CCDC183: variants seen among roughly 807,000 people sequenced by gnomAD.
CCDC183 encodes coiled-coil domain-containing protein 183.
In CCDC183, 63 loss-of-function variants were observed where a neutral mutation model predicts 65.2. The observed-to-expected ratio is 0.97, with a 90% CI of 0.79 to 1.19. CCDC183 has a LOEUF of 1.19. Ranked by LOEUF, CCDC183 falls within the 50% of genes most tolerant of loss-of-function variation. The probability of loss-of-function intolerance (pLI) is 0.00; values close to 1 mark genes in which losing one functional copy is unlikely to be tolerated. For missense variants in CCDC183, 769 were observed against 689.3 expected (o/e 1.12, Z -1.30); for synonymous variants, 323 against 276.5 (o/e 1.17, Z -1.67).
intron 13 of CCDC183, 45 bp downstream of exon 13, chr9:136,807,111 G>GA (rs1315425683): frequency 6.3e-7 from 1 of 1,589,354 alleles, no homozygotes; most frequent in East Asian, 2.2e-5. Flanking sequence ...CGGGTGGCTG[G>GA]AACACAGGTC....
chr9:136,805,131 C>T (rs1011046254), intron 8 of CCDC183: 92 of 596,740 alleles, frequency 1.5e-4, no homozygotes, highest in Non-Finnish European at 2.4e-4. Context: ...CACAGTGCTG[C>T]GCCACTCACT....
intron 1 of CCDC183, 102 bp downstream of exon 1, chr9:136,796,569 G>A: frequency 3.7e-6 from 3 of 810,854 alleles, no homozygotes; most frequent in Non-Finnish European, 6.1e-6. Context: ...TACTGTCTAT[G>A]TAGAAAAGGA....
In CCDC183 at chr9:136,807,721, C is replaced by T. The variant is rs1847890753; in HGVS notation, c.*31C>T. ...CCGCCCCGCTCCCTGCTTTGCTACA[C>T]AAATAAACATTTTTCCAGGACTGCT... On this transcript the variant is annotated 3_prime_UTR_variant, in exon 14 of 14. Transcript: ENST00000338005. 6.3e-7 allele frequency: 1 copy of T among 1,577,478 alleles called. No homozygotes were observed. The highest frequency in any genetic ancestry group is 1.1e-5 in the South Asian group (1 of 86,968).
intron 13 of CCDC183, 84 bp downstream of exon 13, chr9:136,807,150 G>A: frequency 7.9e-7 from 1 of 1,271,992 alleles, no homozygotes. Context: ...ATCCCACCGG[G>A]ACATCCTGGA....
At chr9:136,800,331 G>A (rs1057368519) in intron 4 of CCDC183, 58 bp from the exon 5 acceptor site, 25 of 1,517,478 alleles carry the variant, frequency 1.6e-5, no homozygotes, top group Admixed American at 3.8e-5. Flanking sequence ...ACCCAGCCCC[G>A]ACACCCTCCG....
At position 136,806,091 on chromosome 9, in the gene CCDC183, G is replaced by A. The variant is rs763168465; in HGVS notation, c.962G>A (p.Arg321His). The change falls in exon 10 of 14, where the codon CGC (arginine) becomes CAC (histidine). Residue 321 changes from arginine (R) to histidine (H), a missense_variant. Coordinates refer to ENST00000338005, the MANE Select transcript of CCDC183 (RefSeq NM_001039374.5). ...CGGACTGGCCAGGACATCACTAGCCGCTTCCTGGCCCAGAGGAACACGGAG... is the reference window on the plus strand; with the variant it reads ...CGGACTGGCCAGGACATCACTAGCCACTTCCTGGCCCAGAGGAACACGGAG... ...RCSHVWDITS[R>H]FLAQRNTEEN... 1.9e-5 allele frequency: 30 copies of A among 1,550,682 alleles called. No individual in the cohort carries two copies. Among genetic ancestry groups the A allele is most frequent in the African/African-American group, 8.2e-5 (6 of 73,070 alleles).
chr9:136,802,707 T>C lies in CCDC183; in HGVS notation c.587T>C (p.Leu196Pro), dbSNP rs375780777. 2.5e-5 allele frequency: 41 copies of C among 1,613,424 alleles called. No homozygotes were observed. In the African/African-American group the frequency reaches 4.7e-4, roughly 18 times the overall value. Residue 196 changes from leucine to proline, a missense_variant, in exon 6 of 14, where the codon CTC (leucine) becomes CCC (proline). Transcript: ENST00000338005. Reference sequence around the variant, plus strand: ...ATTGAGCTGGACAAGCTGCAGAACCTCGTGGTCAACTACTGCTCAGAGCTG... The same window carrying C: ...ATTGAGCTGGACAAGCTGCAGAACCCCGTGGTCAACTACTGCTCAGAGCTG... ...YPIELDKLQN[L>P]VVNYCSELSD...
At chr9:136,798,766 G>A (rs1483667812) in intron 1 of CCDC183, among the ~76,000 whole-genome samples, 1 of 152,176 alleles carries the variant, frequency 6.6e-6, no homozygotes, top group Non-Finnish European at 1.5e-5. Context: ...AGCAACACGG[G>A]CCCCAAAGCC....
At chr9:136,805,139 A>C in intron 8 of CCDC183, 1 of 594,224 alleles carries the variant, frequency 1.7e-6, no homozygotes, top group Non-Finnish European at 3.0e-6. Flanking sequence ...TGCGCCACTC[A>C]CTCCGGGTCC....
intron 13 of CCDC183, 147 bp from the exon 14 acceptor site, chr9:136,807,425 G>C: frequency 2.9e-6 from 3 of 1,039,204 alleles, no homozygotes; most frequent in Non-Finnish European, 4.0e-6. Flanking sequence ...CTGCGAATGG[G>C]CTGGGCTGAG....
intron 1 of CCDC183, among the ~76,000 whole-genome samples, chr9:136,797,203 C>CAT (rs1847661110): frequency 1.3e-5 from 2 of 152,222 alleles, no homozygotes; most frequent in Non-Finnish European, 2.9e-5. Flanking sequence ...GGCCTACGTG[C>CAT]ACATCTGGGC....
chr9:136,806,939 C>T (rs1847867471), intron 12 of CCDC183, 31 bp from the exon 13 acceptor site: 10 of 1,613,386 alleles, frequency 6.2e-6, no homozygotes, highest in South Asian at 2.2e-5. Flanking sequence ...TTCAGAGTGT[C>T]TGCACGGCTG....
rs773725996 is a variant in CCDC183, at chr9:136,806,217, G to T, written c.1088G>T (p.Arg363Leu). The T allele has an allele frequency of 1.4e-5, 22 of 1,589,580 alleles. No individual in the cohort carries two copies. The highest frequency in any genetic ancestry group is 4.0e-5 in the African/African-American group (3 of 74,288). The part of the protein sequence containing the change: ...LELEEAVLKF[R>L]QKPSSISFKS... ...CTGGAGGAGGCCGTGCTCAAGTTCCGCCAGAAGCCTAGCTCCATCAGGTGC... is the reference window on the plus strand; with the variant it reads ...CTGGAGGAGGCCGTGCTCAAGTTCCTCCAGAAGCCTAGCTCCATCAGGTGC... Residue 363 changes from arginine to leucine, a missense_variant, in exon 10 of 14, where the codon CGC (arginine) becomes CTC (leucine). Transcript: ENST00000338005.
rs777253653 is a variant in CCDC183 at position 136,807,605 on chromosome 9, A to ACGTC, written c.1522_1525dup (p.Pro509ArgfsTer?). On this transcript the variant is annotated frameshift_variant, in exon 14 of 14. Transcript: ENST00000338005. LOFTEE classifies it high-confidence loss of function. Reference sequence around the variant, plus strand: ...CAGTTCCCCGACATGGACCACAGCTACGTCCCTTCGCGCGCCGAGATCAAG... The same window carrying ACGTC: ...CAGTTCCCCGACATGGACCACAGCTACGTCCGTCCCTTCGCGCGCCGAGATCAAG... 2.1e-4 allele frequency: 334 copies of ACGTC among 1,606,116 alleles called. No homozygotes were observed. Among genetic ancestry groups the ACGTC allele is most frequent in the Admixed American group, 7.3e-4 (43 of 59,212 alleles).
chr9:136,806,771 C>T lies in CCDC183; in HGVS notation c.1293C>T (p.Leu431=), dbSNP rs1847862377. Residue 431 remains leucine (L), a synonymous_variant, in exon 12 of 14, where the codon CTC becomes CTT. Coordinates refer to ENST00000338005, the MANE Select transcript of CCDC183 (RefSeq NM_001039374.5). ...CCGGCCTACAGAGAGAAGTGGTGCT[C>T]TCCAACACCCTCGATTTGAACAGCA... The part of the protein sequence containing the change: ...NLPATQREVV[L]SNTLDLNSKL... The T allele has an allele frequency of 6.2e-7, 1 of 1,613,546 alleles. No homozygotes were observed. Among genetic ancestry groups the T allele is most frequent in the South Asian group, 1.1e-5 (1 of 91,076 alleles).
At chr9:136,796,837 C>T (rs1415757758) in intron 1 of CCDC183, among the ~76,000 whole-genome samples, 1 of 152,158 alleles carries the variant, frequency 6.6e-6, no homozygotes, top group Non-Finnish European at 1.5e-5. Context: ...GCCGCAGGGA[C>T]CTCTGCCCAG....
chr9:136,807,509 C>A, intron 13 of CCDC183, 63 bp from the exon 14 acceptor site: 1 of 1,468,920 alleles, frequency 6.8e-7, no homozygotes, highest in Non-Finnish European at 9.0e-7. Flanking sequence ...GGGCGAGAGG[C>A]GGGTCGGGCG....
At chr9:136,798,267 A>G (rs926137369) in intron 1 of CCDC183, among the ~76,000 whole-genome samples, 1 of 150,876 alleles carries the variant, frequency 6.6e-6, no homozygotes, top group African/African-American at 2.5e-5. Context: ...CGGCCTCCCA[A>G]AGTGCTGGGA....
intron 13 of CCDC183, 79 bp downstream of exon 13, chr9:136,807,145 A>T: frequency 2.3e-6 from 3 of 1,304,916 alleles, no homozygotes; most frequent in Non-Finnish European, 3.3e-6. Flanking sequence ...CTCCCATCCC[A>T]CCGGGACATC....
Sources: allele counts gnomAD v4.1 joint callset (sites outside exome capture counted in the v4.1 genomes callset), GRCh38; gene constraint gnomAD v4.1.1; transcripts MANE v1.5; gene names NCBI Gene and HGNC (gene_info 2026-07-23, HGNC 2026-07-21).